The following CYREN variants were observed in gnomAD, a reference collection of about 807,000 sequenced individuals.
CYREN encodes the protein cell cycle regulator of NHEJ, also known as cell cycle regulator of non-homologous end joining.
CYREN carries 7 observed loss-of-function variants against 9.7 expected under a neutral mutation model. The observed-to-expected ratio is 0.72, with a 90% CI of 0.41 to 1.36. The LOEUF is 1.36. CYREN is among the 40% of genes most tolerant of loss of function. CYREN has a pLI of 0.01. For synonymous variants in CYREN, 76 were observed against 77.9 expected (o/e 0.98, Z 0.13); for missense variants, 215 against 198.1 (o/e 1.09, Z -0.51).
chr7:135,139,250 GTTT>G, intron 2 of CYREN, among the ~76,000 whole-genome samples: 1 of 151,012 alleles, frequency 6.6e-6, no homozygotes, highest in East Asian at 1.9e-4. Context: ...AACCTCACTA[GTTT>G]TTTTTTACTT....
intron 2 of CYREN, among the ~76,000 whole-genome samples, chr7:135,142,109 T>C (rs1238273071): frequency 6.6e-6 from 1 of 152,070 alleles, no homozygotes; most frequent in Non-Finnish European, 1.5e-5. Flanking sequence ...TTGTTAGTTT[T>C]CTGCCTCAGT....
chr7:135,165,429 A>T (rs1481207712), downstream of CYREN: 1 of 178,808 alleles, frequency 5.6e-6, no homozygotes, highest in Admixed American at 5.7e-5. Context: ...TAAAAGAGCG[A>T]GCACCTCAGT....
At chr7:135,116,796 C>T (rs1457692396) in intron 2 of CYREN, among the ~76,000 whole-genome samples, 3 of 152,168 alleles carry the variant, frequency 2.0e-5, no homozygotes, top group Non-Finnish European at 4.4e-5. Flanking sequence ...GGCTGGAGTA[C>T]AGTGGTTATT....
chr7:135,101,398 T>C (rs115098679), intron 2 of CYREN: 2 of 362,840 alleles, frequency 5.5e-6, no homozygotes, highest in African/African-American at 4.2e-5. Flanking sequence ...AAGGATGAGA[T>C]TGATAGCTAT....
At chr7:135,133,059 G>A (rs918448361) in intron 2 of CYREN, among the ~76,000 whole-genome samples, 7 of 120,386 alleles carry the variant, frequency 5.8e-5, no homozygotes, top group East Asian at 2.1e-4. Flanking sequence ...ACACACGCAC[G>A]CATGCGTGCA....
intron 2 of CYREN, among the ~76,000 whole-genome samples, chr7:135,114,977 C>T (rs1486862364): frequency 6.6e-6 from 1 of 152,164 alleles, no homozygotes; most frequent in African/African-American, 2.4e-5. Context: ...CTACTCCACC[C>T]ACTGATGCAT....
intron 2 of CYREN, chr7:135,129,099 C>T: frequency 3.2e-6 from 5 of 1,584,864 alleles, no homozygotes; most frequent in Non-Finnish European, 4.3e-6. Context: ...CACTACTGGT[C>T]AGGTCAAAGA....
intron 2 of CYREN, among the ~76,000 whole-genome samples, chr7:135,119,265 AGTT>A (rs1826777574): frequency 6.6e-6 from 1 of 151,780 alleles, no homozygotes; most frequent in Non-Finnish European, 1.5e-5. Context: ...AGTCTTGCTC[AGTT>A]ACCCAGGCTG....
chr7:135,152,532 T>G (rs570316793), intron 2 of CYREN, among the ~76,000 whole-genome samples: 2 of 152,260 alleles, frequency 1.3e-5, no homozygotes, highest in Non-Finnish European at 2.9e-5. Flanking sequence ...CCTACATGGT[T>G]GTAAGAAATT....
rs545294894 is a variant in CYREN, at chr7:135,157,842, G to A, written n.356+10907C>T. On this transcript the variant is annotated intron_variant and non_coding_transcript_variant, in intron 2 of 2. Coordinates refer to the CYREN transcript ENST00000459937. Reference sequence around the variant, plus strand: ...CCAGGGTGGCAGCTGCAGCCACATTGCCTGATTGTTAATTCAGACTGGTTA... The same window carrying A: ...CCAGGGTGGCAGCTGCAGCCACATTACCTGATTGTTAATTCAGACTGGTTA... 1.6e-4 allele frequency among the ~76,000 whole-genome samples: 24 copies of A among 152,262 alleles called. No homozygotes were observed. The South Asian group carries it at 5.0e-3, about 32-fold the overall frequency.
chr7:135,110,344 C>G (rs1254713828), intron 2 of CYREN, among the ~76,000 whole-genome samples: 1 of 152,218 alleles, frequency 6.6e-6, no homozygotes, highest in Non-Finnish European at 1.5e-5. Context: ...TCTAACTTCC[C>G]ACTTTGCTGG....
Position 135,126,872 on chromosome 7 carries a change from G to C in CYREN, n.357-32290C>G, listed in dbSNP as rs150745838. Among the ~76,000 whole-genome samples the C allele has an allele frequency of 4.3e-3, 660 of 152,254 alleles. 5 individuals are homozygous for C. Among genetic ancestry groups the C allele is most frequent in the African/African-American group, 0.015 (626 of 41,550 alleles). ...ACACCTTATACAAAAATTAACTGAA[G>C]ATGGATTAAAGACTTAAATGTAAAA... On this transcript the variant is annotated intron_variant and non_coding_transcript_variant, in intron 2 of 2. Coordinates refer to the CYREN transcript ENST00000459937.
intron 2 of CYREN, among the ~76,000 whole-genome samples, chr7:135,145,541 T>C (rs1447269889): frequency 1.3e-5 from 2 of 152,168 alleles, no homozygotes; most frequent in African/African-American, 4.8e-5. Flanking sequence ...CTCAGGAAGA[T>C]ATAGAATACT....
At chr7:135,145,739 G>A (rs931983703) in intron 2 of CYREN, among the ~76,000 whole-genome samples, 1 of 152,118 alleles carries the variant, frequency 6.6e-6, no homozygotes, top group African/African-American at 2.4e-5. Flanking sequence ...GCTGTAAATG[G>A]TATTTACAGG....
chr7:135,161,822 GACAGCCCCTC>G (rs1158634881), downstream of CYREN, among the ~76,000 whole-genome samples: 2 of 152,182 alleles, frequency 1.3e-5, no homozygotes, highest in Admixed American at 6.5e-5. This position sits in a 1 kb window ranked among gnomAD's most constrained non-coding sequence, Gnocchi z 4.1. Context: ...CTTCTGCTGG[GACAGCCCCTC>G]ACTCCTCCAC....
In CYREN at chr7:135,092,907, T is replaced by A. The variant is rs1032702310; in HGVS notation, n.2032A>T. On this transcript the variant is annotated non_coding_transcript_exon_variant, in exon 3 of 3. Transcript: ENST00000459937. ...TAAACAATATAATATACCATGTTAA[T>A]AGAATATAAAGAAAAAGGCACATGG... 5 of 151,850 alleles carry A rather than the reference T, an allele frequency of 3.3e-5. No individual in the cohort carries two copies. The South Asian group carries it at 1.0e-3, about 32-fold the overall frequency. 9.4% of individuals were successfully genotyped at this position (151,850 alleles called of 1,614,324 possible).
downstream of CYREN, chr7:135,164,538 C>G (rs1189432885): frequency 8.7e-6 from 14 of 1,614,088 alleles, no homozygotes; most frequent in African/African-American, 1.3e-5. Context: ...TTACGCTCTT[C>G]TCTGGGAGGC....
chr7:135,105,359 T>G (rs1471858203), intron 2 of CYREN, among the ~76,000 whole-genome samples: 1 of 152,094 alleles, frequency 6.6e-6, no homozygotes, highest in African/African-American at 2.4e-5. Context: ...CATAGGCCAC[T>G]GCGCCCAACC....
rs533640880 is a variant in CYREN, at chr7:135,121,774, T to C, written n.357-27192A>G. Reference sequence around the variant, plus strand: ...TCCACAGAGAGGAAGAACAGTGTAGTGCAGTGGCCCACCTGAGAGCCACAC... The same window carrying C: ...TCCACAGAGAGGAAGAACAGTGTAGCGCAGTGGCCCACCTGAGAGCCACAC... On this transcript the variant is annotated intron_variant and non_coding_transcript_variant, in intron 2 of 2. Coordinates refer to the CYREN transcript ENST00000459937. 2.0e-5 allele frequency among the ~76,000 whole-genome samples: 3 copies of C among 151,730 alleles called. No individual in the cohort carries two copies. In the East Asian group the frequency reaches 5.8e-4, roughly 30 times the overall value.
Sources: gnomAD v4.1 joint callset for allele counts (sites outside exome capture counted in the v4.1 genomes callset) on GRCh38, gnomAD v4.1.1 for gene constraint, Gnocchi (gnomAD v3.1) non-coding constraint, MANE v1.5 for transcripts, NCBI Gene and HGNC (gene_info 2026-07-23, HGNC 2026-07-21) for gene names.